The following STPG2 variants were observed in gnomAD, a reference collection of about 807,000 sequenced individuals.
The protein encoded by STPG2 is sperm tail PG-rich repeat containing 2, also known as sperm-tail PG-rich repeat-containing protein 2.
Under a neutral mutation model 54.2 loss-of-function variants are expected in STPG2, and 56 were observed. The observed-to-expected ratio is 1.03, with a 90% CI of 0.83 to 1.29. The LOEUF (loss-of-function observed/expected upper bound fraction) is 1.29, where lower values mean the gene tolerates loss of function less well. Ranked by LOEUF, STPG2 falls within the 50% of genes most tolerant of loss-of-function variation. The pLI, the probability that STPG2 is intolerant of heterozygous loss-of-function variation, is 0.00. For missense variants in STPG2, 596 were observed against 544.9 expected (o/e 1.09, Z -0.93); for synonymous variants, 200 against 181.8 (o/e 1.10, Z -0.81).
chr4:97,833,948 G>A (rs1728554287), intron 9 of STPG2, among the ~76,000 whole-genome samples: 1 of 152,132 alleles, frequency 6.6e-6, no homozygotes, highest in Admixed American at 6.5e-5. Flanking sequence ...AAGACAGTGT[G>A]GCGATTACTC....
At chr4:97,679,438 C>T (rs1029025002) in intron 10 of STPG2, among the ~76,000 whole-genome samples, 11 of 152,136 alleles carry the variant, frequency 7.2e-5, no homozygotes, top group Non-Finnish European at 1.3e-4. Context: ...TGAGAAGTGT[C>T]TGTTCATGTC....
intron 5 of STPG2, among the ~76,000 whole-genome samples, chr4:98,068,525 G>C (rs1054912554): frequency 6.6e-6 from 1 of 152,060 alleles, no homozygotes; most frequent in African/African-American, 2.4e-5. Flanking sequence ...AATCTGAATT[G>C]CTCCTGAGTT....
chr4:97,779,783 T>C (rs1198952548), intron 9 of STPG2, among the ~76,000 whole-genome samples: 4 of 152,128 alleles, frequency 2.6e-5, no homozygotes, highest in Admixed American at 6.5e-5. Flanking sequence ...TATACAACGT[T>C]CTTAAAGAAA....
intron 5 of STPG2, among the ~76,000 whole-genome samples, chr4:98,018,538 T>A (rs946721277): frequency 2.6e-5 from 4 of 152,332 alleles, no homozygotes; most frequent in African/African-American, 9.6e-5. Flanking sequence ...TACCCAGTAA[T>A]GGGATGGCTG....
At chr4:97,518,886 C>T (rs1429031279) in intron 4 of STPG2, among the ~76,000 whole-genome samples, 2 of 152,092 alleles carry the variant, frequency 1.3e-5, no homozygotes, top group African/African-American at 4.8e-5. Context: ...TACTTCCAAT[C>T]TGATGCTAAT....
intron 3 of STPG2, among the ~76,000 whole-genome samples, chr4:98,127,292 A>G (rs1447344812): frequency 6.6e-6 from 1 of 152,160 alleles, no homozygotes; most frequent in Admixed American, 6.6e-5. Context: ...CTATTTTCAC[A>G]GTATCTATGT....
intron 5 of STPG2, among the ~76,000 whole-genome samples, chr4:98,020,167 C>T (rs1578787086): frequency 2.3e-5 from 3 of 132,212 alleles, no homozygotes; most frequent in African/African-American, 8.9e-5. Context: ...TCATAGATAG[C>T]TCTTATTATT....
rs185070532 is a variant in STPG2, at chr4:97,698,252, G to A, written c.1320+14447C>T. On this transcript the variant is annotated intron_variant, in intron 10 of 10. Transcript: ENST00000295268. ...TGCCTGGATTGGCAGAACTGTTGGA[G>A]TTTCCCATTAAGCTTAATCACAGGG... Among the ~76,000 whole-genome samples the A allele has an allele frequency of 4.1e-3, 629 of 152,166 alleles. 3 individuals are homozygous for A. The highest frequency in any genetic ancestry group is 0.02 in the South Asian group (97 of 4,804).
At chr4:97,617,306 C>T (rs1031891164) in intron 10 of STPG2, among the ~76,000 whole-genome samples, 1 of 151,970 alleles carries the variant, frequency 6.6e-6, no homozygotes, top group African/African-American at 2.4e-5. Context: ...AAAAAAGGTA[C>T]ATATTTTATT....
intron 9 of STPG2, among the ~76,000 whole-genome samples, chr4:97,801,470 T>G (rs756486772): frequency 2.0e-5 from 3 of 152,114 alleles, no homozygotes; most frequent in Admixed American, 6.6e-5. Flanking sequence ...AACCTTTCTG[T>G]TTGAAGTGGT....
chr4:97,703,662 A>G (rs1055412484), intron 10 of STPG2, among the ~76,000 whole-genome samples: 2 of 115,600 alleles, frequency 1.7e-5, no homozygotes, highest in African/African-American at 1.2e-4. Context: ...TAAATAAAAC[A>G]TATATAAAAT....
At chr4:97,743,309 A>T (rs543615958) in intron 9 of STPG2, among the ~76,000 whole-genome samples, 2 of 151,742 alleles carry the variant, frequency 1.3e-5, no homozygotes, top group Non-Finnish European at 3.0e-5. Flanking sequence ...TTTTAATATT[A>T]TCAGAGTAAG....
intron 8 of STPG2, among the ~76,000 whole-genome samples, chr4:97,895,622 G>C (rs1409580862): frequency 6.6e-6 from 1 of 151,620 alleles, no homozygotes; most frequent in African/African-American, 2.4e-5. Flanking sequence ...GATTTTACAT[G>C]CTGGCATAAG....
intron 4 of STPG2, among the ~76,000 whole-genome samples, chr4:97,499,545 G>A (rs1283667959): frequency 2.6e-5 from 4 of 151,852 alleles, no homozygotes; most frequent in Non-Finnish European, 5.9e-5. Context: ...CATTGATCAT[G>A]TTCTAATATA....
At chr4:97,658,065 T>C (rs570024803) in intron 10 of STPG2, among the ~76,000 whole-genome samples, 3 of 152,330 alleles carry the variant, frequency 2.0e-5, no homozygotes, top group Non-Finnish European at 4.4e-5. Context: ...AATTCTATGA[T>C]GATGGATTTT....
intron 5 of STPG2, among the ~76,000 whole-genome samples, chr4:97,991,679 C>T (rs184290491): frequency 6.6e-6 from 1 of 152,046 alleles, no homozygotes; most frequent in Admixed American, 6.6e-5. Context: ...GGACTTTCCA[C>T]ACTGTTTTCC....
At chr4:97,729,743 T>C (rs1724740902) in intron 9 of STPG2, among the ~76,000 whole-genome samples, 1 of 152,008 alleles carries the variant, frequency 6.6e-6, no homozygotes. Flanking sequence ...ATAGGAAAAA[T>C]ACTAAAGGAC....
chr4:97,501,375 A>C (rs1730721541), intron 4 of STPG2, among the ~76,000 whole-genome samples: 1 of 152,058 alleles, frequency 6.6e-6, no homozygotes, highest in African/African-American at 2.4e-5. Flanking sequence ...AAAAAAAAGG[A>C]AAAGAAGGAT....
At chr4:97,874,533 C>A (rs551828381) in intron 8 of STPG2, among the ~76,000 whole-genome samples, 1 of 151,872 alleles carries the variant, frequency 6.6e-6, no homozygotes. Context: ...CCATAGACAT[C>A]CACGTGGAAA....
Sources: allele counts gnomAD v4.1 joint callset (sites outside exome capture counted in the v4.1 genomes callset), GRCh38; gene constraint gnomAD v4.1.1; transcripts MANE v1.5; gene names NCBI Gene and HGNC (gene_info 2026-07-23, HGNC 2026-07-21).